Variants in PPP6R3 observed in about 807,000 individuals in gnomAD.
PPP6R3 encodes protein phosphatase 6 regulatory subunit 3.
PPP6R3 carries 38 observed loss-of-function variants against 110.7 expected under a neutral mutation model. The observed-to-expected ratio is 0.34, with a 90% CI of 0.26 to 0.45. PPP6R3 has a LOEUF of 0.45. PPP6R3 is among the 20% of genes least tolerant of loss of function. PPP6R3 has a pLI of 1.00. For missense variants in PPP6R3, 870 were observed against 1,062.4 expected (o/e 0.82, Z 2.52); for synonymous variants, 369 against 373.5 (o/e 0.99, Z 0.14).
Position 68,478,647 on chromosome 11 carries a change from G to GTTTTTTTTTTTTTTTTTTT in PPP6R3, c.-158+17827_-158+17845dup, listed in dbSNP as rs769296530. ...ACTGATGAGTTAGTGCACTTGGTAA[G>GTTTTTTTTTTTTTTTTTTT]TTTTTTTTTTTTTTTTTTTTTTTTT... On this transcript the variant is annotated intron_variant, in intron 1 of 23. Transcript: ENST00000393800. Among the ~76,000 whole-genome samples the GTTTTTTTTTTTTTTTTTTT allele has an allele frequency of 1.5e-3, 76 of 50,510 alleles. 29 individuals are homozygous for GTTTTTTTTTTTTTTTTTTT. Among genetic ancestry groups the GTTTTTTTTTTTTTTTTTTT allele is most frequent in the South Asian group, 4.1e-3 (4 of 982 alleles). The allele number at this position is 50,510 out of a possible 152,430, so 33.1% of individuals were successfully genotyped here.
In PPP6R3 at chr11:68,553,929, A is replaced by T. The variant is rs147484340; in HGVS notation, c.619-216A>T. Among the ~76,000 whole-genome samples the T allele has an allele frequency of 2.6e-3, 399 of 152,322 alleles. 1 individual carries two copies. Among genetic ancestry groups the T allele is most frequent in the African/African-American group, 9.1e-3 (377 of 41,560 alleles). Reference sequence around the variant, plus strand: ...CAGAACCTTGACGACATCTCCCTGCACATAGCAGTAATGTACTGTGCACTA... The same window carrying T: ...CAGAACCTTGACGACATCTCCCTGCTCATAGCAGTAATGTACTGTGCACTA... On this transcript the variant is annotated intron_variant, in intron 6 of 23. Transcript: ENST00000393800.
At chr11:68,522,607 A>T (rs1018863671) in intron 2 of PPP6R3, 1 of 152,262 alleles carries the variant, frequency 6.6e-6, no homozygotes, top group African/African-American at 2.4e-5. Context: ...CATGAAGTTT[A>T]CTGTTGGTGC....
At chr11:68,578,364 C>A (rs1031469869) in intron 14 of PPP6R3, among the ~76,000 whole-genome samples, 3 of 152,210 alleles carry the variant, frequency 2.0e-5, no homozygotes, top group Non-Finnish European at 4.4e-5. Flanking sequence ...GTGGTAGTTA[C>A]ACTTGCCTTC....
intron 1 of PPP6R3, among the ~76,000 whole-genome samples, chr11:68,494,739 C>G (rs1298519951): frequency 1.3e-5 from 2 of 152,098 alleles, no homozygotes; most frequent in African/African-American, 4.8e-5. Flanking sequence ...TTTACTCCCC[C>G]TTTTGAAAGG....
chr11:68,516,454 G>A (rs2099137358), intron 1 of PPP6R3, among the ~76,000 whole-genome samples: 2 of 151,868 alleles, frequency 1.3e-5, no homozygotes, highest in South Asian at 4.2e-4. Flanking sequence ...TTTAGATTTG[G>A]GCCCTATCCC....
intron 15 of PPP6R3, among the ~76,000 whole-genome samples, chr11:68,584,314 T>G (rs764824874): frequency 6.6e-6 from 1 of 152,170 alleles, no homozygotes; most frequent in Non-Finnish European, 1.5e-5. Context: ...AAGCAGCCCT[T>G]TTCCCAGAGC....
At chr11:68,599,680 G>C (rs1020714809) in intron 19 of PPP6R3, among the ~76,000 whole-genome samples, 1 of 152,228 alleles carries the variant, frequency 6.6e-6, no homozygotes, top group East Asian at 1.9e-4. Context: ...TGCCAAGATA[G>C]TAAGTCTCCA....
intron 1 of PPP6R3, among the ~76,000 whole-genome samples, chr11:68,477,739 A>ATATATATATATATATATATATATAT (rs768026020): frequency 1.2e-5 from 1 of 80,400 alleles, no homozygotes. Context: ...AAAAAAAAAA[A>ATATATATATATATATATATATATAT]AAATATATAT....
intron 1 of PPP6R3, among the ~76,000 whole-genome samples, chr11:68,511,780 C>CGTGTGTGTGTGT (rs143019841): frequency 7.9e-6 from 1 of 126,508 alleles, no homozygotes; most frequent in Admixed American, 8.1e-5. Context: ...TGCGCCCAGC[C>CGTGTGTGTGTGT]GTGTGTGTGT....
At chr11:68,498,962 A>G (rs2099033691) in intron 1 of PPP6R3, among the ~76,000 whole-genome samples, 1 of 152,210 alleles carries the variant, frequency 6.6e-6, no homozygotes. Flanking sequence ...GATCCTCTCC[A>G]GTATTTCATC....
chr11:68,490,500 T>C (rs1461259442), intron 1 of PPP6R3, among the ~76,000 whole-genome samples: 1 of 152,144 alleles, frequency 6.6e-6, no homozygotes, highest in Non-Finnish European at 1.5e-5. Context: ...GTTTGGTGCC[T>C]GACAACAATT....
At chr11:68,601,475 G>C (rs933941303) in intron 20 of PPP6R3, among the ~76,000 whole-genome samples, 2 of 152,210 alleles carry the variant, frequency 1.3e-5, no homozygotes, top group Non-Finnish European at 2.9e-5. Flanking sequence ...CTGAAAATAA[G>C]TAAAGGTTTT....
intron 15 of PPP6R3, 85 bp downstream of exon 15, chr11:68,583,214 A>G (rs2153826310): frequency 4.8e-6 from 5 of 1,045,180 alleles, no homozygotes; most frequent in Non-Finnish European, 6.9e-6. Flanking sequence ...TCAGAGTCAG[A>G]TTATGTATTA....
intron 1 of PPP6R3, among the ~76,000 whole-genome samples, chr11:68,471,134 A>G (rs1443085692): frequency 6.6e-6 from 1 of 151,730 alleles, no homozygotes; most frequent in Non-Finnish European, 1.5e-5. Flanking sequence ...AATACAAAAA[A>G]ATTAGCCGGC....
chr11:68,475,612 G>A (rs1428610484), intron 1 of PPP6R3, among the ~76,000 whole-genome samples: 5 of 150,366 alleles, frequency 3.3e-5, no homozygotes, highest in African/African-American at 4.9e-5. Flanking sequence ...CCTCCCGGAC[G>A]GGGCGGCTGG....
At chr11:68,467,272 A>G (rs1433076723) in intron 1 of PPP6R3, among the ~76,000 whole-genome samples, 1 of 152,248 alleles carries the variant, frequency 6.6e-6, no homozygotes, top group African/African-American at 2.4e-5. Flanking sequence ...TCTGGGGAAA[A>G]CCACGGGATT....
intron 14 of PPP6R3, among the ~76,000 whole-genome samples, 180 bp downstream of exon 14, chr11:68,576,223 A>G (rs967063412): frequency 7.2e-5 from 11 of 152,072 alleles, no homozygotes; most frequent in Non-Finnish European, 1.5e-4. Context: ...TGTCTAGTCC[A>G]CTCCTAATTA....
intron 2 of PPP6R3, among the ~76,000 whole-genome samples, chr11:68,528,761 A>G (rs2099217423): frequency 1.3e-5 from 2 of 152,182 alleles, no homozygotes; most frequent in Non-Finnish European, 2.9e-5. Context: ...AGCTTTCAGC[A>G]TGCCTGGAAG....
chr11:68,484,512 C>T (rs1195529775), intron 1 of PPP6R3, among the ~76,000 whole-genome samples: 1 of 151,504 alleles, frequency 6.6e-6, no homozygotes. Context: ...TTGCTCAGGT[C>T]TTTTGTCCAT....
Sources: allele counts gnomAD v4.1 joint callset (sites outside exome capture counted in the v4.1 genomes callset), GRCh38; gene constraint gnomAD v4.1.1; transcripts MANE v1.5; gene names NCBI Gene and HGNC (gene_info 2026-07-23, HGNC 2026-07-21).